The following DNM3 variants were observed in gnomAD, a reference collection of about 807,000 sequenced individuals.
The protein encoded by DNM3 is dynamin-3.
A neutral mutation model predicts 101.6 loss-of-function variants in DNM3; 47 were observed. That is an observed-to-expected ratio of 0.46 (90% confidence interval 0.37 to 0.59). The LOEUF (loss-of-function observed/expected upper bound fraction) is 0.59, where lower values mean the gene tolerates loss of function less well. DNM3 is among the 20% of genes least tolerant of loss of function. DNM3 has a pLI of 0.00. For missense variants in DNM3, 849 were observed against 1,085.7 expected (o/e 0.78, Z 3.06); for synonymous variants, 385 against 387.9 (o/e 0.99, Z 0.09).
intron 11 of DNM3, among the ~76,000 whole-genome samples, chr1:172,080,420 A>T (rs1342758915): frequency 1.3e-5 from 2 of 152,128 alleles, no homozygotes. Context: ...CTTTGCTTAC[A>T]CTGTGAGGGG....
chr1:172,180,921 T>G (rs1195396129), intron 14 of DNM3, among the ~76,000 whole-genome samples: 1 of 152,106 alleles, frequency 6.6e-6, no homozygotes, highest in Non-Finnish European at 1.5e-5. Flanking sequence ...CAAAATAACA[T>G]TAAACAAGAA....
At chr1:171,871,320 T>A (rs1005513657) in intron 1 of DNM3, among the ~76,000 whole-genome samples, 1 of 152,202 alleles carries the variant, frequency 6.6e-6, no homozygotes, top group African/African-American at 2.4e-5. Context: ...CAATTCTTTA[T>A]AAAGTTCCCA....
chr1:172,092,697 A>G (rs1412636129), intron 12 of DNM3, 127 bp from the exon 13 acceptor site: 1 of 959,406 alleles, frequency 1.0e-6, no homozygotes, highest in African/African-American at 1.7e-5. Context: ...ACTGACCTGG[A>G]ATTTTGGTAT....
chr1:171,995,096 G>GTTTTTT (rs35925537), intron 4 of DNM3, among the ~76,000 whole-genome samples: 7 of 49,660 alleles, frequency 1.4e-4, no homozygotes, highest in Non-Finnish European at 1.5e-4. Flanking sequence ...TGAAATCCAG[G>GTTTTTT]TTTTTTTTTT....
At chr1:171,897,542 T>C (rs1334909230) in intron 1 of DNM3, among the ~76,000 whole-genome samples, 1 of 152,226 alleles carries the variant, frequency 6.6e-6, no homozygotes, top group Non-Finnish European at 1.5e-5. Context: ...TGTCAATCTT[T>C]TGATTTTAAG....
intron 14 of DNM3, among the ~76,000 whole-genome samples, chr1:172,196,692 G>A (rs1161501557): frequency 6.6e-6 from 1 of 151,820 alleles, no homozygotes; most frequent in Non-Finnish European, 1.5e-5. Context: ...TTATTGACCA[G>A]ATGTATGTCT....
intron 20 of DNM3, among the ~76,000 whole-genome samples, chr1:172,404,702 T>C (rs190218167): frequency 2.2e-3 from 337 of 152,246 alleles, no homozygotes; most frequent in Admixed American, 3.7e-3. Flanking sequence ...GTTACAATCA[T>C]GTTTGCCATC....
chr1:171,931,980 T>TTCCC (rs768328359), intron 2 of DNM3, among the ~76,000 whole-genome samples: 1,885 of 141,714 alleles, frequency 0.013, 39 homozygotes, highest in East Asian at 0.063. Context: ...TATCTTTTCC[T>TTCCC]TCCCTCCCTC....
intron 13 of DNM3, among the ~76,000 whole-genome samples, chr1:172,112,765 T>A (rs2147956483): frequency 6.6e-6 from 1 of 152,288 alleles, no homozygotes; most frequent in South Asian, 2.1e-4. Context: ...CATCATAAGG[T>A]TGAGTCGCTC....
chr1:172,222,117 T>A (rs1448676491), intron 14 of DNM3, among the ~76,000 whole-genome samples: 1 of 152,170 alleles, frequency 6.6e-6, no homozygotes, highest in Non-Finnish European at 1.5e-5. Context: ...CAACAGGATC[T>A]TTGTTTCTGA....
chr1:172,321,209 G>A (rs767190098), intron 16 of DNM3, among the ~76,000 whole-genome samples: 3 of 152,158 alleles, frequency 2.0e-5, no homozygotes, highest in African/African-American at 2.4e-5. Flanking sequence ...AAGTCTCTGC[G>A]TTATTGTAGG....
chr1:172,105,633 C>G (rs540539273), intron 13 of DNM3, among the ~76,000 whole-genome samples: 279 of 151,964 alleles, frequency 1.8e-3, no homozygotes, highest in Middle Eastern at 0.01. Flanking sequence ...TTGTCATATC[C>G]CAACTAGAGT....
At chr1:171,846,423 A>T (rs1482870136) in intron 1 of DNM3, among the ~76,000 whole-genome samples, 1 of 152,170 alleles carries the variant, frequency 6.6e-6, no homozygotes, top group African/African-American at 2.4e-5. Flanking sequence ...TTGGGCAGTC[A>T]CCCAGAACCT....
At chr1:172,048,003 A>G (rs934802638) in intron 9 of DNM3, among the ~76,000 whole-genome samples, 1 of 152,206 alleles carries the variant, frequency 6.6e-6, no homozygotes, top group African/African-American at 2.4e-5. Flanking sequence ...ACATGTATAT[A>G]TCTGCTTTCC....
At chr1:172,309,827 T>C (rs1573406069) in intron 16 of DNM3, 1 of 152,338 alleles carries the variant, frequency 6.6e-6, no homozygotes, top group East Asian at 1.9e-4. Flanking sequence ...GGGGTTATAC[T>C]AAAATGTAAC....
intron 20 of DNM3, among the ~76,000 whole-genome samples, chr1:172,390,475 C>T (rs943142193): frequency 2.0e-5 from 3 of 152,126 alleles, no homozygotes; most frequent in Non-Finnish European, 2.9e-5. Context: ...TTGTGGAGGG[C>T]TGTCCTGTGT....
intron 4 of DNM3, among the ~76,000 whole-genome samples, chr1:171,991,516 G>C (rs926620300): frequency 6.6e-6 from 1 of 152,136 alleles, no homozygotes; most frequent in Non-Finnish European, 1.5e-5. Context: ...AAGCGATGTG[G>C]AGCTTCCATG....
At position 172,316,984 on chromosome 1, in the gene DNM3, G is replaced by T. The variant is rs547727076; in HGVS notation, c.1882-6345G>T. Among the ~76,000 whole-genome samples the T allele has an allele frequency of 1.2e-3, 183 of 152,118 alleles. 1 individual carries two copies. In the Middle Eastern group the frequency reaches 0.034, roughly 28 times the overall value. On this transcript the variant is annotated intron_variant, in intron 16 of 20. Coordinates refer to ENST00000627582, the MANE Select transcript of DNM3 (RefSeq NM_015569.5). ...CCTATTCCAAAATTGACCACATACTGGGAAGTAAAGCTCTCCTCAGCAAAT... is the reference window on the plus strand; with the variant it reads ...CCTATTCCAAAATTGACCACATACTTGGAAGTAAAGCTCTCCTCAGCAAAT...
intron 2 of DNM3, among the ~76,000 whole-genome samples, chr1:171,952,631 AG>A (rs2042602896): frequency 1.3e-5 from 2 of 152,268 alleles, no homozygotes; most frequent in South Asian, 4.2e-4. Flanking sequence ...TTTGATTTAC[AG>A]GGGCAAATAC....
Sources: allele counts gnomAD v4.1 joint callset (sites outside exome capture counted in the v4.1 genomes callset), GRCh38; gene constraint gnomAD v4.1.1; transcripts MANE v1.5; gene names NCBI Gene and HGNC (gene_info 2026-07-23, HGNC 2026-07-21).